Variants in RASGRP1 observed in about 807,000 individuals in gnomAD.
RASGRP1 encodes the protein RAS guanyl releasing protein 1.
RASGRP1 carries 37 observed loss-of-function variants against 95.1 expected under a neutral mutation model. That is an observed-to-expected ratio of 0.39 (90% CI 0.30 to 0.51). RASGRP1 has a LOEUF of 0.51. Ranked by LOEUF, RASGRP1 falls within the 20% of genes least tolerant of loss-of-function variation. The pLI is 0.80. For missense variants in RASGRP1, 711 were observed against 965.4 expected, an observed-to-expected ratio of 0.74 and a Z score of 3.49; for synonymous variants, 325 against 353.4, an observed-to-expected ratio of 0.92 and a Z score of 0.90.
At chr15:38,495,893 T>C (rs1890776699) in intron 15 of RASGRP1, among the ~76,000 whole-genome samples, 1 of 152,194 alleles carries the variant, frequency 6.6e-6, no homozygotes, top group Non-Finnish European at 1.5e-5. Flanking sequence ...ATTATGAATA[T>C]AATCCCCTCC....
intron 2 of RASGRP1, among the ~76,000 whole-genome samples, chr15:38,532,370 G>A (rs1336197307): frequency 2.0e-5 from 3 of 152,144 alleles, no homozygotes; most frequent in African/African-American, 4.8e-5. Context: ...ATTTGACTAG[G>A]GGAGTAATGT....
chr15:38,502,397 C>A lies in RASGRP1; in HGVS notation c.1453G>T (p.Asp485Tyr). ...TCCTGAGAAATGTATCCATCCTGGTCGTGATCATAGTTCTTGAAGACAGAC... is the reference window on the plus strand; with the variant it reads ...TCCTGAGAAATGTATCCATCCTGGTAGTGATCATAGTTCTTGAAGACAGAC... Reference protein sequence around the residue: ...VDSVFKNYDHDQDGYISQEEF... With the variant: ...VDSVFKNYDHYQDGYISQEEF... Residue 485 changes from aspartate (D) to tyrosine (Y), a missense_variant, in exon 12 of 17, where the codon GAC (aspartate) becomes TAC (tyrosine). Asp to Tyr is a radical substitution (Grantham distance 160, BLOSUM62 -3). Around this residue, in one of 3 missense-constraint regions of RASGRP1, gnomAD observed 491 missense variants for 676.6 expected, o/e 0.73. Coordinates refer to ENST00000310803, the MANE Select transcript of RASGRP1 (RefSeq NM_005739.4). 1 of 1,602,300 alleles carries A rather than the reference C, an allele frequency of 6.2e-7. No individual in the cohort carries two copies. The highest frequency in any genetic ancestry group is 8.6e-7 in the Non-Finnish European group (1 of 1,169,488).
At chr15:38,548,231 T>C (rs1893182911) in intron 2 of RASGRP1, among the ~76,000 whole-genome samples, 1 of 152,172 alleles carries the variant, frequency 6.6e-6, no homozygotes, top group Non-Finnish European at 1.5e-5. Flanking sequence ...TCCTAAATCA[T>C]CTATTTGTCC....
At chr15:38,558,842 C>T (rs1187550424) in intron 2 of RASGRP1, among the ~76,000 whole-genome samples, 1 of 152,136 alleles carries the variant, frequency 6.6e-6, no homozygotes, top group Non-Finnish European at 1.5e-5. Context: ...CACACACAGC[C>T]ACTAGTCCGT....
At chr15:38,559,760 T>G in intron 2 of RASGRP1, 61 bp downstream of exon 2, 1 of 1,515,354 alleles carries the variant, frequency 6.6e-7, no homozygotes, top group South Asian at 1.2e-5. Flanking sequence ...GTAAAGCACT[T>G]TTAAAGGACG....
chr15:38,494,466 G>C lies in RASGRP1; in HGVS notation c.2175C>G (p.Val725=), dbSNP rs754384163. 2 of 1,611,724 alleles carry C rather than the reference G, an allele frequency of 1.2e-6. No individual in the cohort carries two copies. Among genetic ancestry groups the C allele is most frequent in the African/African-American group, 2.7e-5 (2 of 74,908 alleles). ...TGAGGGAGTCTTTATTCTCCCACTT[G>C]ACAAAAGCCCGCTTTCTGACCAAGA... The part of the protein sequence containing the change: ...SPVLVRKRAF[V]KWENKDSLIK... The change falls in exon 16 of 17, where the codon GTC becomes GTG. Residue 725 remains valine, a synonymous_variant. Transcript: ENST00000310803.
chr15:38,520,692 G>C (rs1555401982), intron 3 of RASGRP1, among the ~76,000 whole-genome samples: 1 of 152,052 alleles, frequency 6.6e-6, no homozygotes, highest in Admixed American at 6.6e-5. Flanking sequence ...AGAATTCAGG[G>C]AGGTATCTGA....
chr15:38,544,552 T>C (rs1893033415), intron 2 of RASGRP1, among the ~76,000 whole-genome samples: 1 of 152,346 alleles, frequency 6.6e-6, no homozygotes, highest in East Asian at 1.9e-4. Flanking sequence ...TCTTGGGAGT[T>C]TGGCCCCCTT....
At chr15:38,538,931 A>C (rs1275185078) in intron 2 of RASGRP1, among the ~76,000 whole-genome samples, 3 of 152,176 alleles carry the variant, frequency 2.0e-5, no homozygotes, top group Non-Finnish European at 4.4e-5. Context: ...TAGGCACATG[A>C]AACCCTCACC....
intron 9 of RASGRP1, 135 bp downstream of exon 9, chr15:38,507,591 A>C: frequency 1.0e-6 from 1 of 1,003,726 alleles, no homozygotes; most frequent in Non-Finnish European, 1.4e-6. Flanking sequence ...ATCCCTAGCT[A>C]TATGTTGGAG....
chr15:38,511,709 TTGG>T lies in RASGRP1; in HGVS notation c.858_860del (p.His286del), dbSNP rs1490850000. On this transcript the variant is annotated inframe_deletion, in exon 8 of 17. Coordinates refer to ENST00000310803, the MANE Select transcript of RASGRP1 (RefSeq NM_005739.4). ...CCATCAGTGTATTGAAGTTCTGTAG[TTGG>T]TGGAGCTTCTGTGACACAGAAGACA... 2 of 1,613,044 alleles carry T rather than the reference TTGG, an allele frequency of 1.2e-6. No individual in the cohort carries two copies. Among genetic ancestry groups the T allele is most frequent in the Middle Eastern group, 1.7e-4 (1 of 6,046 alleles).
intron 2 of RASGRP1, among the ~76,000 whole-genome samples, chr15:38,539,447 C>T (rs1201970089): frequency 1.3e-5 from 2 of 151,958 alleles, no homozygotes; most frequent in African/African-American, 4.8e-5. Context: ...AGTCAATGTC[C>T]CACAGCTAGG....
intron 2 of RASGRP1, among the ~76,000 whole-genome samples, chr15:38,554,749 C>T (rs1476699150): frequency 6.6e-6 from 1 of 152,208 alleles, no homozygotes; most frequent in East Asian, 1.9e-4. Context: ...CTGGGAGCTG[C>T]TCTGATGACT....
At chr15:38,512,690 A>T in intron 7 of RASGRP1, 93 bp downstream of exon 7, 1 of 1,498,968 alleles carries the variant, frequency 6.7e-7, no homozygotes, top group Non-Finnish European at 9.1e-7. Flanking sequence ...CAGGAGGGAA[A>T]AAACAGCTCT....
chr15:38,503,567 C>G (rs1037386777), intron 10 of RASGRP1, 191 bp from the exon 11 acceptor site: 1 of 596,926 alleles, frequency 1.7e-6, no homozygotes, highest in African/African-American at 1.9e-5. Flanking sequence ...ATTGTGCTTA[C>G]GGTTTCCAGA....
intron 3 of RASGRP1, among the ~76,000 whole-genome samples, chr15:38,521,085 A>C (rs1891983198): frequency 6.6e-6 from 1 of 152,194 alleles, no homozygotes; most frequent in Non-Finnish European, 1.5e-5. Flanking sequence ...CATGAAGTAG[A>C]AAGTTTTTAT....
chr15:38,544,699 C>T (rs1595875719), intron 2 of RASGRP1, among the ~76,000 whole-genome samples: 1 of 152,278 alleles, frequency 6.6e-6, no homozygotes, highest in East Asian at 1.9e-4. Flanking sequence ...TATAAATTAC[C>T]CAGTCTGGTA....
intron 2 of RASGRP1, among the ~76,000 whole-genome samples, chr15:38,553,542 G>T (rs1386316356): frequency 1.3e-5 from 2 of 152,180 alleles, no homozygotes; most frequent in African/African-American, 4.8e-5. Flanking sequence ...GACCCATGGG[G>T]ACGGGCATAA....
intron 2 of RASGRP1, among the ~76,000 whole-genome samples, chr15:38,527,198 G>A (rs1443820318): frequency 1.3e-5 from 2 of 152,178 alleles, no homozygotes; most frequent in African/African-American, 4.8e-5. Context: ...TTCTCTGCCA[G>A]ATCTATTCTT....
Sources: gnomAD v4.1 joint callset for allele counts (sites outside exome capture counted in the v4.1 genomes callset) on GRCh38, gnomAD v4.1.1 for gene constraint, gnomAD v4.1.1 regional missense constraint, MANE v1.5 for transcripts, NCBI Gene and HGNC (gene_info 2026-07-23, HGNC 2026-07-21) for gene names.